Variants in CDH4 observed in about 807,000 individuals in gnomAD.
The protein encoded by CDH4 is cadherin 4, also known as cadherin-4.
Under a neutral mutation model 86.0 loss-of-function variants are expected in CDH4, and 33 were observed. The observed-to-expected ratio is 0.38, with a 90% CI of 0.29 to 0.51. The LOEUF is 0.51. CDH4 is among the 20% of genes least tolerant of loss of function. The pLI is 0.86. For synonymous variants in CDH4, 555 were observed against 549.4 expected (o/e 1.01, Z -0.14); for missense variants, 1,114 against 1,307.4 (o/e 0.85, Z 2.28).
At position 61,275,678 on chromosome 20, in the gene CDH4, C is replaced by T. The variant is rs112277199; in HGVS notation, c.169+20741C>T. ...ACCATGCGCAGTTTGGGGGGAGTACCGTGTGCAGTTTGGGGGAGTACCGTG... is the reference window on the plus strand; with the variant it reads ...ACCATGCGCAGTTTGGGGGGAGTACTGTGTGCAGTTTGGGGGAGTACCGTG... On this transcript the variant is annotated intron_variant, in intron 2 of 15. Transcript: ENST00000614565. 8.5e-3 allele frequency among the ~76,000 whole-genome samples: 1,059 copies of T among 124,008 alleles called. 12 individuals carry two copies. Among genetic ancestry groups the T allele is most frequent in the African/African-American group, 0.031 (995 of 31,876 alleles). The allele number at this position is 124,008 out of a possible 152,430, so 81.4% of individuals were successfully genotyped here.
At chr20:61,525,058 G>A (rs1430118303) in intron 2 of CDH4, among the ~76,000 whole-genome samples, 1 of 152,150 alleles carries the variant, frequency 6.6e-6, no homozygotes. Flanking sequence ...TATGCGGGGC[G>A]GGTCATCTTC....
Position 61,933,076 on chromosome 20 carries a change from C to G in CDH4, c.2331C>G (p.Arg777=), listed in dbSNP as rs377265888. 1 of 1,613,246 alleles carries G rather than the reference C, an allele frequency of 6.2e-7. No homozygotes were observed. The highest frequency in any genetic ancestry group is 1.1e-5 in the South Asian group (1 of 91,090). ...TCATTGACCCCGAGGACGACGTCCGCGACAACATCCTCAAGTATGACGAGG... is the reference window on the plus strand; with the variant it reads ...TCATTGACCCCGAGGACGACGTCCGGGACAACATCCTCAAGTATGACGAGG... The part of the protein sequence containing the change: ...QLLIDPEDDV[R]DNILKYDEEG... Residue 777 remains arginine (R), a synonymous_variant, in exon 14 of 16, where the codon CGC becomes CGG. Coordinates refer to ENST00000614565, the MANE Select transcript of CDH4 (RefSeq NM_001794.5).
intron 4 of CDH4, among the ~76,000 whole-genome samples, chr20:61,840,496 TCC>T (rs900195653): frequency 6.6e-6 from 1 of 152,198 alleles, no homozygotes; most frequent in African/African-American, 2.4e-5. Flanking sequence ...CAAGCAGAAG[TCC>T]CTGGGTGAAC....
At chr20:61,448,832 A>T (rs1333588564) in intron 2 of CDH4, among the ~76,000 whole-genome samples, 1 of 152,056 alleles carries the variant, frequency 6.6e-6, no homozygotes, top group Non-Finnish European at 1.5e-5. Flanking sequence ...TTCTTTTTTT[A>T]GGCCAAACTT....
At chr20:61,388,823 A>G (rs1356115051) in intron 2 of CDH4, among the ~76,000 whole-genome samples, 1 of 152,230 alleles carries the variant, frequency 6.6e-6, no homozygotes, top group East Asian at 1.9e-4. Flanking sequence ...TTTCATGAAA[A>G]CAAAGTACAT....
intron 7 of CDH4, among the ~76,000 whole-genome samples, chr20:61,883,694 T>A (rs1392765433): frequency 6.6e-6 from 1 of 152,122 alleles, no homozygotes; most frequent in African/African-American, 2.4e-5. Context: ...AGTGTTCTCC[T>A]CTATGACCCA....
intron 3 of CDH4, among the ~76,000 whole-genome samples, chr20:61,766,901 G>A (rs897350548): frequency 1.3e-5 from 2 of 152,216 alleles, no homozygotes; most frequent in Non-Finnish European, 2.9e-5. Context: ...TGTGCGACTT[G>A]GTGCCAGTTT....
chr20:61,774,498 G>A (rs745574264), intron 4 of CDH4, among the ~76,000 whole-genome samples: 9 of 152,208 alleles, frequency 5.9e-5, no homozygotes, highest in South Asian at 2.1e-4. Flanking sequence ...CTTAAAATTC[G>A]TCTCAAAGTG....
At chr20:61,551,568 C>T (rs1399277282) in intron 2 of CDH4, among the ~76,000 whole-genome samples, 1 of 152,236 alleles carries the variant, frequency 6.6e-6, no homozygotes, top group African/African-American at 2.4e-5. Flanking sequence ...TGGGGAACTT[C>T]CTATGCAGGG....
chr20:61,727,950 A>G (rs2145921747), intron 2 of CDH4, among the ~76,000 whole-genome samples: 1 of 152,350 alleles, frequency 6.6e-6, no homozygotes, highest in African/African-American at 2.4e-5. Context: ...GTTAGGGCTA[A>G]GGAGAGGCCT....
intron 4 of CDH4, among the ~76,000 whole-genome samples, chr20:61,802,866 C>T (rs1363607873): frequency 6.6e-6 from 1 of 152,212 alleles, no homozygotes; most frequent in African/African-American, 2.4e-5. Context: ...AGCGTTCCTC[C>T]CCGTCCTCCT....
chr20:61,257,451 G>T (rs578189134), intron 2 of CDH4, among the ~76,000 whole-genome samples: 5 of 152,336 alleles, frequency 3.3e-5, no homozygotes, highest in Non-Finnish European at 7.4e-5. Flanking sequence ...CGAACCTTCC[G>T]AGAAGCGGAG....
At chr20:61,370,196 T>A (rs577180529) in intron 2 of CDH4, 2 of 152,408 alleles carry the variant, frequency 1.3e-5, no homozygotes, top group South Asian at 4.1e-4. Context: ...CCTGGGAAGT[T>A]GTGCGTAGGG....
In CDH4 at chr20:61,518,694, C is replaced by T. The variant is rs1568874322; in HGVS notation, c.170-224869C>T. Among the ~76,000 whole-genome samples, 1 of 151,716 alleles carries T rather than the reference C, an allele frequency of 6.6e-6. No individual in the cohort carries two copies. Among genetic ancestry groups the T allele is most frequent in the African/African-American group, 2.4e-5 (1 of 41,248 alleles). ...CCTTTATTCATCCATCCTTCATCTA[C>T]CTATCTGTTGTTCAATCATCCATCC... On this transcript the variant is annotated intron_variant, in intron 2 of 15. Transcript: ENST00000614565. This position sits in a 1 kb window ranked among gnomAD's most constrained non-coding sequence, Gnocchi z 6.3.
At chr20:61,731,111 C>T (rs1039880542) in intron 2 of CDH4, among the ~76,000 whole-genome samples, 1 of 152,002 alleles carries the variant, frequency 6.6e-6, no homozygotes, top group Non-Finnish European at 1.5e-5. Flanking sequence ...TCCTGGGGCC[C>T]ATCACGGCAG....
At chr20:61,580,515 A>G (rs918648113) in intron 2 of CDH4, among the ~76,000 whole-genome samples, 2 of 152,150 alleles carry the variant, frequency 1.3e-5, no homozygotes, top group Non-Finnish European at 2.9e-5. Flanking sequence ...GTTTTTTGAC[A>G]CCTTCGTAAG....
At chr20:61,300,685 C>T (rs1024621923) in intron 2 of CDH4, among the ~76,000 whole-genome samples, 7 of 152,230 alleles carry the variant, frequency 4.6e-5, no homozygotes, top group African/African-American at 1.7e-4. Context: ...CCCCCACACC[C>T]AGCCTTCCTG....
chr20:61,493,798 C>T (rs1178073285), intron 2 of CDH4, among the ~76,000 whole-genome samples: 1 of 152,204 alleles, frequency 6.6e-6, no homozygotes, highest in Non-Finnish European at 1.5e-5. Context: ...TAGGGTGACC[C>T]CCTCCAGAAA....
chr20:61,718,137 G>C (rs1037314993), intron 2 of CDH4: 1 of 152,952 alleles, frequency 6.5e-6, no homozygotes, highest in Non-Finnish European at 1.5e-5. Context: ...CACTGTGGGG[G>C]TGGGGCTGGT....
Sources: allele counts gnomAD v4.1 joint callset (sites outside exome capture counted in the v4.1 genomes callset), GRCh38; gene constraint gnomAD v4.1.1; non-coding constraint Gnocchi (gnomAD v3.1); transcripts MANE v1.5; gene names NCBI Gene and HGNC (gene_info 2026-07-23, HGNC 2026-07-21).